SMC4: variants seen among roughly 807,000 people sequenced by gnomAD.
The protein encoded by SMC4 is structural maintenance of chromosomes protein 4.
SMC4 carries 87 observed loss-of-function variants against 145.6 expected under a neutral mutation model. That is an observed-to-expected ratio of 0.60 (90% CI 0.50 to 0.71). SMC4 has a LOEUF of 0.71. SMC4 is among the 30% of genes least tolerant of loss of function. The probability of loss-of-function intolerance (pLI) is 0.00; values close to 1 mark genes in which losing one functional copy is unlikely to be tolerated. For missense variants in SMC4, 1,447 were observed against 1,537.1 expected (o/e 0.94, Z 0.98); for synonymous variants, 558 against 500.7 (o/e 1.11, Z -1.53).
intron 21 of SMC4, 60 bp downstream of exon 21, chr3:160,431,885 C>T: frequency 1.3e-6 from 2 of 1,498,714 alleles, no homozygotes; most frequent in Non-Finnish European, 9.1e-7. Context: ...AGCCTAAATT[C>T]TGATCTTTAG....
intron 16 of SMC4, among the ~76,000 whole-genome samples, 196 bp downstream of exon 16, chr3:160,425,215 C>A (rs1717666529): frequency 6.6e-6 from 1 of 152,106 alleles, no homozygotes; most frequent in Non-Finnish European, 1.5e-5. Flanking sequence ...CAGTGTTGTT[C>A]CAACCACAGC....
intron 1 of SMC4, chr3:160,400,142 G>T (rs902033140): frequency 6.6e-6 from 1 of 152,388 alleles, no homozygotes; most frequent in Non-Finnish European, 1.5e-5. Flanking sequence ...CTCCGCCTGG[G>T]GAGCTGGAGA....
In SMC4 at chr3:160,417,700, T is replaced by G. The variant is rs9813697; in HGVS notation, c.1438-23T>G. ...TTTGAAAGTAAATATCTGTCCAGAT[T>G]TAATGAACTCATATTTTAACAGAGT... On this transcript the variant is annotated intron_variant, in intron 10 of 23. Coordinates refer to ENST00000357388, the MANE Select transcript of SMC4 (RefSeq NM_001002800.3). 0.022 allele frequency: 33,898 copies of G among 1,554,732 alleles called. 890 individuals carry two copies. The highest frequency in any genetic ancestry group is 0.12 in the African/African-American group (9,104 of 73,660).
At chr3:160,422,158 A>G (rs965890069) in intron 13 of SMC4, among the ~76,000 whole-genome samples, 2 of 152,202 alleles carry the variant, frequency 1.3e-5, no homozygotes, top group African/African-American at 4.8e-5. Context: ...TGTGCTACGA[A>G]CATTTGTGTA....
intron 7 of SMC4, 44 bp from the exon 8 acceptor site, chr3:160,413,429 A>G: frequency 6.4e-7 from 1 of 1,553,284 alleles, no homozygotes; most frequent in Non-Finnish European, 8.6e-7. Context: ...TGGAAATGGC[A>G]TTTTAGGAGC....
At position 160,425,022 on chromosome 3, in the gene SMC4, A is replaced by ATATG. The variant is rs139267592; in HGVS notation, c.2478+4_2478+5insATGT. On this transcript the variant is annotated splice_donor_region_variant and intron_variant, in intron 16 of 23. Transcript: ENST00000357388. ...AAAAATTTACTGCAAGCATCCAGGT[A>ATATG]TGTGTGTGTGTGTGTGTGTGTGTGT... The ATATG allele has an allele frequency of 4.4e-5, 64 of 1,469,562 alleles. No individual in the cohort carries two copies. In the African/African-American group the frequency reaches 8.2e-4, roughly 19 times the overall value. 91.0% of individuals were successfully genotyped at this position (1,469,562 alleles called of 1,614,324 possible).
chr3:160,423,349 G>GGT (rs1717387105), intron 13 of SMC4, 76 bp from the exon 14 acceptor site: 3 of 812,588 alleles, frequency 3.7e-6, no homozygotes, highest in Non-Finnish European at 3.7e-6. Context: ...ATTCCTATGG[G>GGT]TTTTTTTTTG....
At chr3:160,401,501 CA>C (rs1228193391) in intron 2 of SMC4, among the ~76,000 whole-genome samples, 1 of 152,054 alleles carries the variant, frequency 6.6e-6, no homozygotes, top group Non-Finnish European at 1.5e-5. Context: ...CATGAGTTTC[CA>C]AAATGAAGGT....
chr3:160,423,366 TTTTTG>T, intron 13 of SMC4, 54 bp from the exon 14 acceptor site: 1 of 998,574 alleles, frequency 1.0e-6, no homozygotes. Context: ...TTTGTTTTTT[TTTTTG>T]AGTTTTCTTT....
In SMC4 at chr3:160,420,865, A is replaced by G. The variant is rs1211190440; in HGVS notation, c.1983A>G (p.Gln661=). 1 of 1,613,482 alleles carries G rather than the reference A, an allele frequency of 6.2e-7. No homozygotes were observed. The highest frequency in any genetic ancestry group is 2.2e-5 in the East Asian group (1 of 44,844). The stretch of plus-strand genomic sequence containing the variant: ...AATGTGTAAACTTCCTTAAAAGACA[A>G]AATATTGGAGTTGCAACCTTTATAG... ...AQECVNFLKR[Q]NIGVATFIGL... The change falls in exon 13 of 24, where the codon CAA becomes CAG. Residue 661 remains glutamine, a synonymous_variant. Transcript: ENST00000357388.
chr3:160,401,085 G>C (rs376513496), intron 2 of SMC4, 120 bp downstream of exon 2: 1 of 1,261,484 alleles, frequency 7.9e-7, no homozygotes, highest in Non-Finnish European at 1.0e-6. Flanking sequence ...GTCCGGTGTC[G>C]GTCCGGTAGA....
At chr3:160,430,031 A>AT (rs1324060841) in intron 18 of SMC4, among the ~76,000 whole-genome samples, 4 of 152,162 alleles carry the variant, frequency 2.6e-5, no homozygotes, top group Middle Eastern at 3.2e-3. Flanking sequence ...TTTTTAGAGT[A>AT]TTTATTGAAG....
At chr3:160,421,913 A>G (rs183046990) in intron 13 of SMC4, among the ~76,000 whole-genome samples, 37 of 152,202 alleles carry the variant, frequency 2.4e-4, no homozygotes, top group Admixed American at 1.5e-3. Flanking sequence ...CCTCCGTAAC[A>G]CTAACTACTT....
At chr3:160,428,691 T>A in intron 17 of SMC4, 62 bp from the exon 18 acceptor site, 2 of 1,450,902 alleles carry the variant, frequency 1.4e-6, no homozygotes, top group African/African-American at 2.9e-5. Context: ...GAAATGTACA[T>A]CTAACAAATG....
chr3:160,420,657 AAAG>A (rs1287593138), intron 12 of SMC4, 80 bp from the exon 13 acceptor site: 2 of 1,451,246 alleles, frequency 1.4e-6, no homozygotes, highest in Non-Finnish European at 1.9e-6. Context: ...TTTTCAATTA[AAAG>A]AAGTTTTTAA....
At chr3:160,420,473 A>C in intron 12 of SMC4, 1 of 348,668 alleles carries the variant, frequency 2.9e-6, no homozygotes, top group South Asian at 3.7e-5. Context: ...AAGTTTTCTG[A>C]GTTTTGCTTA....
chr3:160,413,532 A>T lies in SMC4; in HGVS notation c.1040A>T (p.Asp347Val). The part of the protein sequence containing the change: ...METQKEKIHE[D>V]TKEINEKSNI... ...ACTCAAAAGGAAAAAATTCATGAAG[A>T]TACCAAAGAAATTAATGAGAAGAGC... The change falls in exon 8 of 24, where the codon GAT (aspartate) becomes GTT (valine). Residue 347 changes from aspartate to valine, a missense_variant. Coordinates refer to ENST00000357388, the MANE Select transcript of SMC4 (RefSeq NM_001002800.3). 6.3e-7 allele frequency: 1 copy of T among 1,586,570 alleles called. No homozygotes were observed. The highest frequency in any genetic ancestry group is 8.6e-7 in the Non-Finnish European group (1 of 1,168,200).
chr3:160,427,658 A>G (rs899894315), intron 17 of SMC4, among the ~76,000 whole-genome samples: 12 of 152,228 alleles, frequency 7.9e-5, no homozygotes, highest in Non-Finnish European at 8.8e-5. Flanking sequence ...GAGACTGTTA[A>G]TATCTCATGT....
At chr3:160,412,795 T>G in intron 7 of SMC4, 1 of 923,038 alleles carries the variant, frequency 1.1e-6, no homozygotes, top group Non-Finnish European at 1.3e-6. Flanking sequence ...TTTATTAAAT[T>G]AGGCATATTA....
Sources: allele counts gnomAD v4.1 joint callset (sites outside exome capture counted in the v4.1 genomes callset), GRCh38; gene constraint gnomAD v4.1.1; transcripts MANE v1.5; gene names NCBI Gene and HGNC (gene_info 2026-07-23, HGNC 2026-07-21).